ADARB2: variants seen among roughly 807,000 people sequenced by gnomAD.
ADARB2 encodes the protein adenosine deaminase RNA specific B2 (inactive).
Under a neutral mutation model 62.2 loss-of-function variants are expected in ADARB2, and 25 were observed. The ratio of observed to expected loss-of-function variants is 0.40; its 90% CI spans 0.29 to 0.56. The LOEUF (loss-of-function observed/expected upper bound fraction) is 0.56. ADARB2 is among the 20% of genes least tolerant of loss of function. The pLI is 0.43. For missense variants in ADARB2, 1,071 were observed against 1,077.4 expected (o/e 0.99, Z 0.08); for synonymous variants, 572 against 500.8 (o/e 1.14, Z -1.90).
At chr10:1,358,794 A>G (rs984190397) in intron 3 of ADARB2, among the ~76,000 whole-genome samples, 7 of 152,178 alleles carry the variant, frequency 4.6e-5, no homozygotes, top group African/African-American at 1.7e-4. Context: ...GAAAATTTAA[A>G]AAACAAAGAA....
At chr10:1,696,146 TTGTG>T (rs1162165887) in intron 1 of ADARB2, among the ~76,000 whole-genome samples, 23 of 45,902 alleles carry the variant, frequency 5.0e-4, no homozygotes, top group African/African-American at 1.3e-3. Flanking sequence ...CACATGTATA[TTGTG>T]TGTATGTGTT....
intron 1 of ADARB2, among the ~76,000 whole-genome samples, chr10:1,682,974 C>G (rs112994132): frequency 1.3e-5 from 2 of 152,104 alleles, no homozygotes; most frequent in East Asian, 3.8e-4. Flanking sequence ...AACACAGCAC[C>G]GCGGAGGTGG....
At chr10:1,474,200 C>A (rs962590291) in intron 1 of ADARB2, among the ~76,000 whole-genome samples, 18 of 152,224 alleles carry the variant, frequency 1.2e-4, no homozygotes, top group African/African-American at 4.3e-4. Context: ...TAAAAGGCAT[C>A]TTCTCCATGG....
intron 1 of ADARB2, among the ~76,000 whole-genome samples, chr10:1,544,953 G>GTA (rs200420605): frequency 0.015 from 95 of 6,188 alleles, no homozygotes; most frequent in Middle Eastern, 0.1. Context: ...TAATAGCAAA[G>GTA]TATACACACA....
chr10:1,248,459 G>A (rs956052894), intron 4 of ADARB2, among the ~76,000 whole-genome samples: 1 of 152,244 alleles, frequency 6.6e-6, no homozygotes, highest in African/African-American at 2.4e-5. Context: ...TGAGGCAAGG[G>A]CGTGCGACGT....
At chr10:1,658,303 GTCTC>G (rs998051217) in intron 1 of ADARB2, among the ~76,000 whole-genome samples, 53 of 149,644 alleles carry the variant, frequency 3.5e-4, no homozygotes, top group African/African-American at 7.9e-4. Context: ...TAGCTCTTCT[GTCTC>G]TCTCTATCTG....
At chr10:1,556,261 C>CTTT (rs5782583) in intron 1 of ADARB2, among the ~76,000 whole-genome samples, 266 of 147,454 alleles carry the variant, frequency 1.8e-3, no homozygotes, top group Middle Eastern at 3.5e-3. Flanking sequence ...AACAAAAAGT[C>CTTT]TTTTTTTTTT....
intron 4 of ADARB2, among the ~76,000 whole-genome samples, chr10:1,253,196 C>A (rs559884055): frequency 1.2e-4 from 18 of 152,340 alleles, no homozygotes; most frequent in African/African-American, 4.3e-4. Context: ...CCATCTTTAG[C>A]TATTATGATA....
chr10:1,691,253 A>G (rs187701004), intron 1 of ADARB2, among the ~76,000 whole-genome samples: 1 of 152,280 alleles, frequency 6.6e-6, no homozygotes, highest in Admixed American at 6.5e-5. Flanking sequence ...ACCCTCTACA[A>G]GCCAAGGAGA....
intron 2 of ADARB2, among the ~76,000 whole-genome samples, chr10:1,372,297 C>T (rs1403731083): frequency 7.2e-6 from 1 of 138,374 alleles, no homozygotes; most frequent in African/African-American, 2.5e-5. Context: ...ACAACAGACA[C>T]TGAGGACTTG....
At chr10:1,475,226 C>G (rs965381973) in intron 1 of ADARB2, among the ~76,000 whole-genome samples, 1 of 152,216 alleles carries the variant, frequency 6.6e-6, no homozygotes. Context: ...GCAGGTCTCC[C>G]GCTGCTGCTC....
At position 1,253,987 on chromosome 10, in the gene ADARB2, C is replaced by G. The variant is rs893367432; in HGVS notation, c.1193-11688G>C. 8.1e-5 allele frequency among the ~76,000 whole-genome samples: 12 copies of G among 147,576 alleles called. No homozygotes were observed. The Admixed American group carries it at 8.3e-4, about 10-fold the overall frequency. ...TTCTGTGTTTAGGATGAGGTGGGCT[C>G]TGTGGTTAGGTTAGAATACGGTGGG... On this transcript the variant is annotated intron_variant, in intron 4 of 9. Transcript: ENST00000381312.
chr10:1,496,638 ATCG>A (rs971724899), intron 1 of ADARB2, among the ~76,000 whole-genome samples: 40 of 151,774 alleles, frequency 2.6e-4, no homozygotes, highest in East Asian at 3.9e-4. Flanking sequence ...CATCATCATC[ATCG>A]TATGGTTATC....
intron 1 of ADARB2, among the ~76,000 whole-genome samples, chr10:1,652,747 C>A (rs1167617842): frequency 1.3e-5 from 2 of 152,150 alleles, no homozygotes; most frequent in Non-Finnish European, 2.9e-5. Flanking sequence ...AGGCTCATTA[C>A]CCATTTTTAA....
At chr10:1,724,059 C>G (rs1835131439) in intron 1 of ADARB2, among the ~76,000 whole-genome samples, 1 of 152,202 alleles carries the variant, frequency 6.6e-6, no homozygotes, top group Admixed American at 6.5e-5. Flanking sequence ...CCCCAAAATT[C>G]ATGCATTTAA....
chr10:1,470,084 G>GGGTCATCTGA (rs1831301481), intron 1 of ADARB2, among the ~76,000 whole-genome samples: 2 of 149,192 alleles, frequency 1.3e-5, no homozygotes, highest in East Asian at 2.0e-4. Flanking sequence ...AGGTCATCCA[G>GGGTCATCTGA]CCTGACCCTC....
intron 3 of ADARB2, among the ~76,000 whole-genome samples, chr10:1,284,755 C>T (rs1268538526): frequency 1.3e-5 from 2 of 152,172 alleles, no homozygotes; most frequent in East Asian, 3.9e-4. Flanking sequence ...GGTGGATTCC[C>T]AGAAGGTCTC....
At chr10:1,583,178 C>A (rs139654184) in intron 1 of ADARB2, among the ~76,000 whole-genome samples, 1 of 138,466 alleles carries the variant, frequency 7.2e-6, no homozygotes, top group East Asian at 2.1e-4. Context: ...CCACAGAGGT[C>A]ACATTTCAAT....
intron 1 of ADARB2, among the ~76,000 whole-genome samples, chr10:1,448,091 G>A (rs549754279): frequency 3.3e-5 from 5 of 152,200 alleles, no homozygotes; most frequent in Non-Finnish European, 5.9e-5. Context: ...AAACCTATAG[G>A]CTAAATTGAT....
Sources: allele counts gnomAD v4.1 joint callset (sites outside exome capture counted in the v4.1 genomes callset), GRCh38; gene constraint gnomAD v4.1.1; transcripts MANE v1.5; gene names NCBI Gene and HGNC (gene_info 2026-07-23, HGNC 2026-07-21).